VRK2: variants seen among roughly 807,000 people sequenced by gnomAD.
VRK2 encodes the protein VRK serine/threonine kinase 2.
A neutral mutation model predicts 57.6 loss-of-function variants in VRK2; 60 were observed. The observed-to-expected ratio is 1.04, with a 90% CI of 0.85 to 1.29. The LOEUF (loss-of-function observed/expected upper bound fraction) is 1.29, where lower values mean the gene tolerates loss of function less well. VRK2 is among the 50% of genes most tolerant of loss of function. VRK2 has a pLI of 0.00. For missense variants in VRK2, 705 were observed against 588.1 expected (o/e 1.20, Z -2.06); for synonymous variants, 231 against 199.2 (o/e 1.16, Z -1.35).
intron 8 of VRK2, among the ~76,000 whole-genome samples, chr2:58,123,638 G>A (rs573701384): frequency 3.9e-5 from 6 of 152,182 alleles, no homozygotes; most frequent in Admixed American, 3.9e-4. Flanking sequence ...GAGGCAGGAG[G>A]ATCGCTTGAG....
chr2:58,092,820 G>A (rs820610), intron 7 of VRK2, among the ~76,000 whole-genome samples: 3 of 151,906 alleles, frequency 2.0e-5, no homozygotes, highest in Admixed American at 6.6e-5. Context: ...CTCTTCCCCC[G>A]ACCCCATGAC....
In VRK2 at chr2:58,156,171, A is replaced by G. The variant is rs368334265; in HGVS notation, c.1183-3178A>G. On this transcript the variant is annotated intron_variant, in intron 12 of 12. Transcript: ENST00000340157. ...CACTTTGATTTTGAAAGCTTCATTG[A>G]ATATGGAATCTATTCTTTCAGAACT... is the stretch of plus-strand genomic sequence containing the variant. Among the ~76,000 whole-genome samples the G allele has an allele frequency of 1.1e-3, 164 of 152,250 alleles. 1 individual carries two copies. Among genetic ancestry groups the G allele is most frequent in the African/African-American group, 3.8e-3 (157 of 41,560 alleles).
intron 2 of VRK2, among the ~76,000 whole-genome samples, chr2:58,064,173 A>T (rs1321256044): frequency 6.6e-6 from 1 of 152,166 alleles, no homozygotes; most frequent in African/African-American, 2.4e-5. Context: ...GTTTTAGAGT[A>T]TTACATAAAT....
At chr2:58,070,854 T>C (rs995929037) in intron 2 of VRK2, among the ~76,000 whole-genome samples, 3 of 152,204 alleles carry the variant, frequency 2.0e-5, no homozygotes, top group Non-Finnish European at 4.4e-5. Context: ...GATTGTATAC[T>C]AAGACTGTGT....
intron 2 of VRK2, among the ~76,000 whole-genome samples, chr2:58,063,645 G>A (rs1224701793): frequency 6.6e-6 from 1 of 152,076 alleles, no homozygotes; most frequent in Non-Finnish European, 1.5e-5. Flanking sequence ...GATGTACAAG[G>A]AGATTAATGT....
intron 2 of VRK2, among the ~76,000 whole-genome samples, chr2:58,082,869 G>A (rs1671088318): frequency 6.6e-6 from 1 of 151,724 alleles, no homozygotes; most frequent in Non-Finnish European, 1.5e-5. Flanking sequence ...TTAAAAACTG[G>A]AGAATGGTTA....
chr2:58,120,007 A>G (rs1289148150), intron 7 of VRK2, among the ~76,000 whole-genome samples: 1 of 151,748 alleles, frequency 6.6e-6, no homozygotes, highest in Non-Finnish European at 1.5e-5. Flanking sequence ...ATTGGTTGGA[A>G]AACAGCAAGT....
chr2:57,935,006 T>A (rs902723546), intron 1 of VRK2, among the ~76,000 whole-genome samples: 2 of 152,238 alleles, frequency 1.3e-5, no homozygotes, highest in African/African-American at 4.8e-5. Context: ...TATCTGTGCT[T>A]TTTGTACCTT....
chr2:58,145,625 T>A (rs980157416), intron 11 of VRK2, among the ~76,000 whole-genome samples: 2 of 151,852 alleles, frequency 1.3e-5, no homozygotes, highest in Non-Finnish European at 2.9e-5. Flanking sequence ...TTTTATTTTT[T>A]ATTTTATTTT....
At chr2:58,091,197 T>A (rs1672326029) in intron 7 of VRK2, among the ~76,000 whole-genome samples, 1 of 152,170 alleles carries the variant, frequency 6.6e-6, no homozygotes, top group African/African-American at 2.4e-5. Context: ...GTGAACATAA[T>A]GTAAACTGTG....
At chr2:57,927,675 A>T (rs1670584443) in intron 1 of VRK2, among the ~76,000 whole-genome samples, 1 of 152,004 alleles carries the variant, frequency 6.6e-6, no homozygotes, top group Non-Finnish European at 1.5e-5. Flanking sequence ...TAATGTCTTC[A>T]TTTTTTCAGA....
rs1409568917 is a variant in VRK2 at position 57,931,939 on chromosome 2, GT to G, written c.-439+24103del. ...AAATTAGTTGAATGTACGTACATAG[GT>G]TTGTTTCTGAACTTTCTATTCTGTT... is the stretch of plus-strand genomic sequence containing the variant. On this transcript the variant is annotated intron_variant, in intron 1 of 15. Transcript: ENST00000417641. 2.0e-5 allele frequency among the ~76,000 whole-genome samples: 3 copies of G among 151,896 alleles called. No homozygotes were observed. In the East Asian group the frequency reaches 5.8e-4, roughly 29 times the overall value.
At chr2:58,009,609 T>C (rs181932447) in intron 1 of VRK2, among the ~76,000 whole-genome samples, 1 of 151,246 alleles carries the variant, frequency 6.6e-6, no homozygotes, top group Non-Finnish European at 1.5e-5. Context: ...TATTATTTAA[T>C]TCCAATGACT....
chr2:58,137,166 C>CATATATCAT (rs1271076972), intron 10 of VRK2, among the ~76,000 whole-genome samples: 80 of 7,298 alleles, frequency 0.011, 17 homozygotes, highest in African/African-American at 0.013. Context: ...TTATATATAT[C>CATATATCAT]ATATATCATA....
chr2:58,123,969 A>C (rs2104497243), intron 8 of VRK2, among the ~76,000 whole-genome samples: 1 of 152,308 alleles, frequency 6.6e-6, no homozygotes, highest in South Asian at 2.1e-4. Context: ...TGAAACCATA[A>C]AGTGTTAATT....
At chr2:58,083,122 C>T (rs1389642101) in intron 2 of VRK2, among the ~76,000 whole-genome samples, 1 of 151,674 alleles carries the variant, frequency 6.6e-6, no homozygotes, top group Non-Finnish European at 1.5e-5. Context: ...TACTGATTTT[C>T]AATTGTAGTC....
At chr2:58,127,346 A>G (rs1366249798) in intron 8 of VRK2, among the ~76,000 whole-genome samples, 1 of 152,148 alleles carries the variant, frequency 6.6e-6, no homozygotes, top group Non-Finnish European at 1.5e-5. Flanking sequence ...GATTGGGTTA[A>G]GAATACTTAC....
At chr2:58,061,655 A>C (rs979191142) in intron 2 of VRK2, among the ~76,000 whole-genome samples, 3 of 152,162 alleles carry the variant, frequency 2.0e-5, no homozygotes, top group African/African-American at 7.2e-5. Context: ...AGAGCTAAAC[A>C]AGGATGTATA....
chr2:58,107,634 ATTAGT>A (rs1318479257), intron 7 of VRK2, among the ~76,000 whole-genome samples: 1 of 152,206 alleles, frequency 6.6e-6, no homozygotes, highest in Non-Finnish European at 1.5e-5. Context: ...AACAGGAAAA[ATTAGT>A]TTACTTAATA....
Sources: allele counts gnomAD v4.1 joint callset (sites outside exome capture counted in the v4.1 genomes callset), GRCh38; gene constraint gnomAD v4.1.1; transcripts MANE v1.5; gene names NCBI Gene and HGNC (gene_info 2026-07-23, HGNC 2026-07-21).